Variants in CFAP77 observed in about 807,000 individuals in gnomAD.
CFAP77 encodes the protein cilia and flagella associated protein 77, also known as cilia- and flagella-associated protein 77.
A neutral mutation model predicts 31.1 loss-of-function variants in CFAP77; 25 were observed. The observed-to-expected ratio is 0.80, with a 90% CI of 0.59 to 1.12. The LOEUF is 1.12. Among genes scored for constraint, CFAP77 ranks in the 50% most tolerant of loss-of-function variants. CFAP77 has a pLI of 0.00. For synonymous variants in CFAP77, 151 were observed against 159.9 expected (o/e 0.94, Z 0.42); for missense variants, 377 against 397.3 (o/e 0.95, Z 0.44).
intron 1 of CFAP77, among the ~76,000 whole-genome samples, chr9:132,418,410 A>AGGAGACGT (rs1189100546): frequency 6.6e-6 from 1 of 152,264 alleles, no homozygotes; most frequent in East Asian, 1.9e-4. Context: ...GGAGACATAA[A>AGGAGACGT]GGAGACGTGG....
At chr9:132,429,670 C>A (rs1018955070) in intron 1 of CFAP77, among the ~76,000 whole-genome samples, 8 of 149,972 alleles carry the variant, frequency 5.3e-5, no homozygotes, top group Non-Finnish European at 1.0e-4. Context: ...CGGCGAAACC[C>A]CGTCTCTACT....
At chr9:132,452,637 C>T (rs901683392) in intron 1 of CFAP77, among the ~76,000 whole-genome samples, 4 of 152,158 alleles carry the variant, frequency 2.6e-5, no homozygotes, top group African/African-American at 9.7e-5. Context: ...AGGAGTCAGG[C>T]CTGTGCCCAG....
intron 3 of CFAP77, among the ~76,000 whole-genome samples, chr9:132,520,634 A>T (rs552030110): frequency 5.3e-5 from 8 of 152,328 alleles, no homozygotes; most frequent in Non-Finnish European, 7.3e-5. Context: ...CTAAATAAAT[A>T]AATTAATTAA....
At chr9:132,570,403 A>C (rs1409146254) in intron 5 of CFAP77, among the ~76,000 whole-genome samples, 1 of 152,178 alleles carries the variant, frequency 6.6e-6, no homozygotes, top group Admixed American at 6.5e-5. Context: ...CAAGAGCCCC[A>C]ATGCGATTCT....
intron 1 of CFAP77, among the ~76,000 whole-genome samples, chr9:132,428,814 C>CG (rs960231904): frequency 6.6e-6 from 1 of 151,546 alleles, no homozygotes. Context: ...CTTTGAAGAC[C>CG]CCCCCCTGCT....
rs1851548095 is a variant in CFAP77 at position 132,486,075 on chromosome 9, TATATATATATA to T, written c.196-12619_196-12609del. Among the ~76,000 whole-genome samples, 4 of 18,830 alleles carry T rather than the reference TATATATATATA, an allele frequency of 2.1e-4. 1 individual carries two copies. Among genetic ancestry groups the T allele is most frequent in the African/African-American group, 1.4e-3 (4 of 2,852 alleles). The allele number at this position is 18,830 out of a possible 152,430, so 12.4% of individuals were successfully genotyped here. On this transcript the variant is annotated intron_variant, in intron 1 of 5. Transcript: ENST00000393216. ...ATGTATGTGTGTGTGTGTATATATA[TATATATATATA>T]TATATTTTTTTTTTTTTTTTTTTTG...
At chr9:132,548,381 A>AT (rs1315257180) in intron 5 of CFAP77, among the ~76,000 whole-genome samples, 1 of 151,918 alleles carries the variant, frequency 6.6e-6, no homozygotes, top group African/African-American at 2.4e-5. Flanking sequence ...CAGTAAGGCT[A>AT]TTTTTTTAAA....
At chr9:132,446,579 A>G (rs1850721143) in intron 1 of CFAP77, among the ~76,000 whole-genome samples, 1 of 151,870 alleles carries the variant, frequency 6.6e-6, no homozygotes, top group Non-Finnish European at 1.5e-5. Context: ...TCTCTACTAA[A>G]AAATACAAAA....
chr9:132,417,514 T>A (rs778355172), intron 1 of CFAP77, among the ~76,000 whole-genome samples: 36 of 152,198 alleles, frequency 2.4e-4, no homozygotes, highest in Admixed American at 2.6e-4. Flanking sequence ...AGGCCAGCAG[T>A]GTGGTATAGA....
chr9:132,566,150 A>AT (rs1829881187), intron 5 of CFAP77, among the ~76,000 whole-genome samples: 1 of 152,054 alleles, frequency 6.6e-6, no homozygotes, highest in Non-Finnish European at 1.5e-5. Context: ...CAGGCTCCTC[A>AT]TGTGTGGCTG....
At chr9:132,553,701 G>C (rs1481106824) in intron 5 of CFAP77, among the ~76,000 whole-genome samples, 1 of 152,204 alleles carries the variant, frequency 6.6e-6, no homozygotes, top group Non-Finnish European at 1.5e-5. Context: ...AATGTTGGAA[G>C]GGGGAACCCC....
chr9:132,442,229 G>A (rs1375313187), intron 1 of CFAP77, among the ~76,000 whole-genome samples: 2 of 152,260 alleles, frequency 1.3e-5, no homozygotes, highest in African/African-American at 4.8e-5. Flanking sequence ...GCATCTTGAT[G>A]GGATTGTAAC....
intron 1 of CFAP77, chr9:132,482,204 C>A: frequency 1.7e-5 from 9 of 543,488 alleles, no homozygotes; most frequent in Admixed American, 3.2e-5. Context: ...TTTTTCTTTT[C>A]ATAGGGAGCC....
At position 132,450,327 on chromosome 9, in the gene CFAP77, A is replaced by C. The variant is rs1850804988; in HGVS notation, c.195+39861A>C. Reference sequence around the variant, plus strand: ...GCAGGGAAACAGGGAGAAGGATGCAATGTGTGAGAACTACAGGTCAGTGAG... The same window carrying C: ...GCAGGGAAACAGGGAGAAGGATGCACTGTGTGAGAACTACAGGTCAGTGAG... On this transcript the variant is annotated intron_variant, in intron 1 of 5. Transcript: ENST00000393216. Among the ~76,000 whole-genome samples, 3 of 151,862 alleles carry C rather than the reference A, an allele frequency of 2.0e-5. No individual in the cohort carries two copies. The South Asian group carries it at 6.2e-4, about 32-fold the overall frequency.
chr9:132,498,738 G>T lies in CFAP77; in HGVS notation c.239G>T (p.Gly80Val). ...KPRERSYSLP[G>V]INFNYGLYIR... Reference sequence around the variant, plus strand: ...CGGGAAAGAAGCTACAGTCTGCCCGGCATTAATTTTAATTATGGACTCTAC... The same window carrying T: ...CGGGAAAGAAGCTACAGTCTGCCCGTCATTAATTTTAATTATGGACTCTAC... The change falls in exon 2 of 6, where the codon GGC (glycine) becomes GTC (valine). Residue 80 changes from glycine (G) to valine (V), a missense_variant. Coordinates refer to ENST00000393216, the MANE Select transcript of CFAP77 (RefSeq NM_001282957.2). The surrounding 1 kb of genome is among the most constrained non-coding windows in gnomAD (Gnocchi z 4.2). The T allele has an allele frequency of 1.9e-6, 3 of 1,612,612 alleles. No homozygotes were observed. The East Asian group carries it at 6.7e-5, about 36-fold the overall frequency.
At chr9:132,534,623 A>G (rs1852515167) in intron 3 of CFAP77, among the ~76,000 whole-genome samples, 1 of 151,876 alleles carries the variant, frequency 6.6e-6, no homozygotes, top group Admixed American at 6.6e-5. Flanking sequence ...AAAAAAAAAA[A>G]AAAAAAAAGA....
In CFAP77 at chr9:132,558,701, G is replaced by A. The variant is rs562867007; in HGVS notation, c.733-13687G>A. 1.1e-3 allele frequency among the ~76,000 whole-genome samples: 166 copies of A among 149,364 alleles called. 2 individuals carry two copies. Among genetic ancestry groups the A allele is most frequent in the African/African-American group, 4.0e-3 (162 of 40,414 alleles). On this transcript the variant is annotated intron_variant, in intron 5 of 5. Transcript: ENST00000393216. Reference sequence around the variant, plus strand: ...GCCTGGGTGACAAGAGTGAAACTCTGTCTCAAAATAAATAAATAAATAAAA... The same window carrying A: ...GCCTGGGTGACAAGAGTGAAACTCTATCTCAAAATAAATAAATAAATAAAA...
chr9:132,485,319 A>G (rs1395829509), intron 1 of CFAP77, among the ~76,000 whole-genome samples: 3 of 152,196 alleles, frequency 2.0e-5, no homozygotes, highest in Admixed American at 1.3e-4. Flanking sequence ...GGAGGCTCTC[A>G]TGATACCTAT....
At chr9:132,549,641 C>T (rs1852793102) in intron 5 of CFAP77, among the ~76,000 whole-genome samples, 1 of 152,154 alleles carries the variant, frequency 6.6e-6, no homozygotes. Context: ...AGTTTGAGAC[C>T]AGCCTGGTCA....
Sources: gnomAD v4.1 joint callset for allele counts (sites outside exome capture counted in the v4.1 genomes callset) on GRCh38, gnomAD v4.1.1 for gene constraint, Gnocchi (gnomAD v3.1) non-coding constraint, MANE v1.5 for transcripts, NCBI Gene and HGNC (gene_info 2026-07-23, HGNC 2026-07-21) for gene names.